The following TP63 variants were observed in gnomAD, a reference collection of about 807,000 sequenced individuals.
The protein encoded by TP63 is tumor protein p63, also known as tumor protein 63.
Under a neutral mutation model 82.8 loss-of-function variants are expected in TP63, and 17 were observed. That is an observed-to-expected ratio of 0.21 (90% CI 0.14 to 0.31). TP63 has a LOEUF of 0.31. Among genes scored for constraint, TP63 ranks in the 10% least tolerant of loss-of-function variants. The pLI, the probability that TP63 is intolerant of heterozygous loss-of-function variation, is 1.00. For synonymous variants in TP63, 330 were observed against 321.7 expected (o/e 1.03, Z -0.28); for missense variants, 648 against 895.3 (o/e 0.72, Z 3.52).
intron 1 of TP63, among the ~76,000 whole-genome samples, chr3:189,652,527 A>G (rs1712981934): frequency 6.8e-6 from 1 of 146,984 alleles, no homozygotes; most frequent in South Asian, 2.2e-4. Flanking sequence ...CTTGTCTCAG[A>G]TGAGACTTTG....
chr3:189,879,143 G>A (rs1002038824), intron 10 of TP63, among the ~76,000 whole-genome samples: 2 of 151,946 alleles, frequency 1.3e-5, no homozygotes, highest in African/African-American at 2.4e-5. Context: ...ATTTTTATTC[G>A]GGCATATTCT....
intron 3 of TP63, among the ~76,000 whole-genome samples, chr3:189,756,659 G>T (rs1373933278): frequency 2.6e-5 from 4 of 152,186 alleles, no homozygotes; most frequent in African/African-American, 4.8e-5. Flanking sequence ...CACTGGCAGA[G>T]AATTTATTGC....
chr3:189,892,052 T>G (rs1721077905), intron 13 of TP63, among the ~76,000 whole-genome samples: 1 of 152,118 alleles, frequency 6.6e-6, no homozygotes, highest in Non-Finnish European at 1.5e-5. Context: ...ATAGAATAAG[T>G]TATAAGCAAA....
chr3:189,720,078 C>A (rs1162375018), intron 1 of TP63, among the ~76,000 whole-genome samples: 1 of 152,196 alleles, frequency 6.6e-6, no homozygotes. Flanking sequence ...CAAACCCTGT[C>A]TCAAATTCTT....
rs535336404 is a variant in TP63, at chr3:189,896,172, C to T, written c.*1670C>T. ...AAGGGCTGTCATTGCACATAAGCTTCCATTTTAATTTTAAAGTGCAAAAGG... is the reference window on the plus strand; with the variant it reads ...AAGGGCTGTCATTGCACATAAGCTTTCATTTTAATTTTAAAGTGCAAAAGG... On this transcript the variant is annotated 3_prime_UTR_variant, in exon 14 of 14. Coordinates refer to ENST00000264731, the MANE Select transcript of TP63 (RefSeq NM_003722.5). 1 of 219,652 alleles carries T rather than the reference C, an allele frequency of 4.6e-6. No individual in the cohort carries two copies. Among genetic ancestry groups the T allele is most frequent in the East Asian group, 6.7e-5 (1 of 14,876 alleles). 13.6% of individuals were successfully genotyped at this position (219,652 alleles called of 1,614,324 possible).
Position 189,872,923 on chromosome 3 carries a change from A to G in TP63, c.1277A>G (p.Tyr426Cys). 4 of 1,614,138 alleles carry G rather than the reference A, an allele frequency of 2.5e-6. No homozygotes were observed. Among genetic ancestry groups the G allele is most frequent in the Non-Finnish European group, 3.4e-6 (4 of 1,180,010 alleles). Reference sequence around the variant, plus strand: ...AAAGAGTCCCTGGAACTCATGCAGTACCTTCCTCAGCACACAATTGAAACG... The same window carrying G: ...AAAGAGTCCCTGGAACTCATGCAGTGCCTTCCTCAGCACACAATTGAAACG... ...KIKESLELMQ[Y>C]LPQHTIETYR... The change falls in exon 10 of 14, where the codon TAC (tyrosine) becomes TGC (cysteine). Residue 426 changes from tyrosine to cysteine, a missense_variant. Coordinates refer to ENST00000264731, the MANE Select transcript of TP63 (RefSeq NM_003722.5).
At chr3:189,873,045 A>G in intron 10 of TP63, 50 bp downstream of exon 10, 1 of 1,613,658 alleles carries the variant, frequency 6.2e-7, no homozygotes, top group Non-Finnish European at 8.5e-7. Flanking sequence ...GGGTGACTTT[A>G]TTTGGATCAG....
In TP63 at chr3:189,789,581, G is replaced by T. The variant is rs1724912797; in HGVS notation, c.325-18691G>T. ...GGAGGAGTCCAGGTGGAAGTTGATG[G>T]ATTGGACAGGTAAAGAGAAGAGTCC... On this transcript the variant is annotated intron_variant, in intron 3 of 13. Coordinates refer to ENST00000264731, the MANE Select transcript of TP63 (RefSeq NM_003722.5). The T allele has an allele frequency of 1.6e-5, 18 of 1,117,996 alleles. No homozygotes were observed. The South Asian group carries it at 5.1e-4, about 31-fold the overall frequency. 69.3% of individuals were successfully genotyped at this position (1,117,996 alleles called of 1,614,324 possible).
intron 1 of TP63, among the ~76,000 whole-genome samples, chr3:189,656,779 A>G (rs1412818843): frequency 1.3e-5 from 2 of 152,108 alleles, no homozygotes; most frequent in African/African-American, 4.8e-5. Context: ...ATTCTCTAAG[A>G]ATACATAGCA....
intron 4 of TP63, among the ~76,000 whole-genome samples, chr3:189,811,883 T>A (rs531433710): frequency 6.6e-6 from 1 of 152,294 alleles, no homozygotes; most frequent in East Asian, 1.9e-4. Context: ...GCCTGTGTAG[T>A]TTGGAGCTTG....
chr3:189,692,017 C>T (rs935642366), intron 1 of TP63, among the ~76,000 whole-genome samples: 2 of 152,164 alleles, frequency 1.3e-5, no homozygotes, highest in Non-Finnish European at 2.9e-5. Flanking sequence ...CAATGCTTTT[C>T]TTTTATTGCT....
intron 4 of TP63, among the ~76,000 whole-genome samples, chr3:189,853,286 T>C (rs1383395882): frequency 1.3e-5 from 2 of 152,204 alleles, no homozygotes; most frequent in African/African-American, 4.8e-5. Flanking sequence ...CAAGCCCCTC[T>C]AGTGGCTTCC....
At chr3:189,765,514 C>T (rs1331899713) in intron 3 of TP63, among the ~76,000 whole-genome samples, 1 of 126,144 alleles carries the variant, frequency 7.9e-6, no homozygotes, top group African/African-American at 3.0e-5. Context: ...TGGCTCACTG[C>T]AAGCTCCGCC....
intron 3 of TP63, among the ~76,000 whole-genome samples, chr3:189,770,733 T>C (rs1319467722): frequency 2.0e-5 from 3 of 152,216 alleles, no homozygotes; most frequent in African/African-American, 7.2e-5. Flanking sequence ...TTGAGGAGGC[T>C]AATCCAAGTC....
chr3:189,626,922 TTTTGTTTG>T (rs10579740), upstream of TP63, among the ~76,000 whole-genome samples: 2 of 151,472 alleles, frequency 1.3e-5, no homozygotes, highest in South Asian at 2.1e-4. Flanking sequence ...CATTTTCATG[TTTTGTTTG>T]TTTGTTTGTT....
intron 10 of TP63, among the ~76,000 whole-genome samples, chr3:189,878,150 G>C (rs1719445622): frequency 6.6e-6 from 1 of 152,136 alleles, no homozygotes; most frequent in South Asian, 2.1e-4. Context: ...TCATGTATCT[G>C]AGGGAGAAGC....
At chr3:189,631,683 G>C in intron 1 of TP63, 106 bp downstream of exon 1, 1 of 1,597,748 alleles carries the variant, frequency 6.3e-7, no homozygotes, top group Non-Finnish European at 8.5e-7. Flanking sequence ...TGTTTAGTCA[G>C]CACAGTGATA....
At chr3:189,854,196 G>A (rs1286498095) in intron 4 of TP63, among the ~76,000 whole-genome samples, 1 of 152,118 alleles carries the variant, frequency 6.6e-6, no homozygotes, top group African/African-American at 2.4e-5. Flanking sequence ...CAACTGACTA[G>A]CAGCTTTTAG....
intron 3 of TP63, among the ~76,000 whole-genome samples, chr3:189,748,508 C>CAAAAA (rs58926854): frequency 8.0e-4 from 25 of 31,252 alleles, no homozygotes; most frequent in South Asian, 1.8e-3. Flanking sequence ...AGGAAAACTA[C>CAAAAA]AAAAAAAAAA....
Sources: allele counts gnomAD v4.1 joint callset (sites outside exome capture counted in the v4.1 genomes callset), GRCh38; gene constraint gnomAD v4.1.1; transcripts MANE v1.5; gene names NCBI Gene and HGNC (gene_info 2026-07-23, HGNC 2026-07-21).